The following BTG3 variants were observed in gnomAD, a reference collection of about 807,000 sequenced individuals.
BTG3 encodes BTG anti-proliferation factor 3.
In BTG3, 4 loss-of-function variants were observed where a neutral mutation model predicts 25.8. That is an observed-to-expected ratio of 0.16 (90% CI 0.08 to 0.36). The LOEUF is 0.36. Ranked by LOEUF, BTG3 falls within the 10% of genes least tolerant of loss-of-function variation. BTG3 has a pLI of 1.00. For missense variants in BTG3, 201 were observed against 304.9 expected, an observed-to-expected ratio of 0.66 and a Z score of 2.54; for synonymous variants, 107 against 99.9, an observed-to-expected ratio of 1.07 and a Z score of -0.42.
At chr21:17,599,740 A>G (rs1367113943) in intron 3 of BTG3, among the ~76,000 whole-genome samples, 3 of 152,186 alleles carry the variant, frequency 2.0e-5, no homozygotes, top group Non-Finnish European at 4.4e-5. Context: ...TCGGCCTCCC[A>G]AAGTGCTGGG....
Position 17,609,148 on chromosome 21 carries a change from T to G in BTG3, c.-4A>C. 6 of 1,605,204 alleles carry G rather than the reference T, an allele frequency of 3.7e-6. No homozygotes were observed. The highest frequency in any genetic ancestry group is 4.2e-6 in the Non-Finnish European group (5 of 1,177,898). On this transcript the variant is annotated 5_prime_UTR_variant, in exon 2 of 5. Transcript: ENST00000348354. ...CGGCAGCAATTTCATTCTTCATTTTTTTCCCTGCAAAGATAAAACATGTTT... is the reference window on the plus strand; with the variant it reads ...CGGCAGCAATTTCATTCTTCATTTTGTTCCCTGCAAAGATAAAACATGTTT...
chr21:17,601,531 A>C (rs1451436760), intron 3 of BTG3, among the ~76,000 whole-genome samples: 1 of 152,190 alleles, frequency 6.6e-6, no homozygotes, highest in African/African-American at 2.4e-5. Context: ...CTCTAAAACA[A>C]AACAAAACAA....
chr21:17,608,964 T>G lies in BTG3; in HGVS notation c.173+8A>C. On this transcript the variant is annotated splice_region_variant and intron_variant, in intron 2 of 4. Coordinates refer to ENST00000348354, the MANE Select transcript of BTG3 (RefSeq NM_006806.5). ...TCAGCCTCTGCTTAATCCAATCTAA[T>G]CCTTTACCTGTAGGCCTGTCCTTTC... is the stretch of plus-strand genomic sequence containing the variant. The G allele has an allele frequency of 6.2e-7, 1 of 1,610,590 alleles. No homozygotes were observed. Among genetic ancestry groups the G allele is most frequent in the Non-Finnish European group, 8.5e-7 (1 of 1,178,954 alleles).
At chr21:17,601,687 C>G (rs557399403) in intron 3 of BTG3, among the ~76,000 whole-genome samples, 1 of 152,176 alleles carries the variant, frequency 6.6e-6, no homozygotes, top group Non-Finnish European at 1.5e-5. Context: ...AATTTCAAGA[C>G]AATCAAGGGT....
intron 3 of BTG3, among the ~76,000 whole-genome samples, chr21:17,603,695 G>T (rs566993077): frequency 6.6e-6 from 1 of 152,244 alleles, no homozygotes; most frequent in East Asian, 1.9e-4. Context: ...ATTCTTGCAG[G>T]AATTCCATGC....
intron 2 of BTG3, among the ~76,000 whole-genome samples, chr21:17,607,355 G>A (rs1272631668): frequency 6.6e-6 from 1 of 151,628 alleles, no homozygotes; most frequent in Non-Finnish European, 1.5e-5. Context: ...CTAACTTAAC[G>A]AAAGCTGTTC....
At chr21:17,608,866 G>T in intron 2 of BTG3, 106 bp downstream of exon 2, 2 of 1,057,618 alleles carry the variant, frequency 1.9e-6, no homozygotes, top group Non-Finnish European at 2.7e-6. Context: ...TCTATATTTT[G>T]CAGATGAAAC....
chr21:17,609,022 T>C lies in BTG3; in HGVS notation c.123A>G (p.Lys41=). 6.2e-7 allele frequency: 1 copy of C among 1,613,962 alleles called. No individual in the cohort carries two copies. Among genetic ancestry groups the C allele is most frequent in the Non-Finnish European group, 8.5e-7 (1 of 1,179,976 alleles). ...AEKLTLILQE[K]YKNHWYPEKP... ...TTTCTGGATACCAGTGATTTTTATA[T>C]TTTTCTTGAAGTATTAGGGTCAATT... Residue 41 remains lysine (K), a synonymous_variant, in exon 2 of 5, where the codon AAA becomes AAG. Transcript: ENST00000348354.
In BTG3 at chr21:17,598,583, C is replaced by G. The variant is rs768408571; in HGVS notation, c.519+34G>C. The G allele has an allele frequency of 2.5e-6, 4 of 1,581,522 alleles. No homozygotes were observed. The Admixed American group carries it at 6.7e-5, about 27-fold the overall frequency. ...CTGAAAGGTCCTGGCAATCCCTGCA[C>G]ATCCCTTTAAAACTGAGCTGTTTTC... On this transcript the variant is annotated intron_variant, in intron 4 of 4. Coordinates refer to ENST00000348354, the MANE Select transcript of BTG3 (RefSeq NM_006806.5).
At chr21:17,600,095 AT>A (rs1284653109) in intron 3 of BTG3, among the ~76,000 whole-genome samples, 1 of 151,978 alleles carries the variant, frequency 6.6e-6, no homozygotes, top group African/African-American at 2.4e-5. Context: ...AAGATTTTTG[AT>A]TTTTTTTAAG....
At position 17,608,335 on chromosome 21, in the gene BTG3, T is replaced by C. The variant is rs80076967; in HGVS notation, c.173+637A>G. Among the ~76,000 whole-genome samples, 1,346 of 151,424 alleles carry C rather than the reference T, an allele frequency of 8.9e-3. 8 individuals are homozygous for C. The highest frequency in any genetic ancestry group is 0.035 in the South Asian group (168 of 4,802). ...CTGCAGTGAGCTATGGTTATACCAC[T>C]GCACTCTAGACTGGGTGACAGAGCA... On this transcript the variant is annotated intron_variant, in intron 2 of 4. Coordinates refer to ENST00000348354, the MANE Select transcript of BTG3 (RefSeq NM_006806.5).
At chr21:17,596,959 A>G (rs1244824325) in intron 4 of BTG3, among the ~76,000 whole-genome samples, 1 of 152,084 alleles carries the variant, frequency 6.6e-6, no homozygotes, top group African/African-American at 2.4e-5. Flanking sequence ...CTTATTTGAT[A>G]AAACTTTTTT....
chr21:17,601,162 CAA>C (rs35194409), intron 3 of BTG3, among the ~76,000 whole-genome samples: 11 of 115,648 alleles, frequency 9.5e-5, no homozygotes, highest in Admixed American at 2.7e-4. Context: ...GACTCCGTCT[CAA>C]AAAAAAAAAA....
At chr21:17,607,866 C>T (rs1260790180) in intron 2 of BTG3, among the ~76,000 whole-genome samples, 2 of 152,246 alleles carry the variant, frequency 1.3e-5, no homozygotes, top group Non-Finnish European at 2.9e-5. Flanking sequence ...CCTGAGCAGT[C>T]ACATAAATAC....
intron 1 of BTG3, among the ~76,000 whole-genome samples, chr21:17,609,803 C>A (rs539343545): frequency 6.6e-6 from 1 of 152,052 alleles, no homozygotes; most frequent in Non-Finnish European, 1.5e-5. Context: ...GTTATACACA[C>A]GTATGGAATA....
At chr21:17,604,761 C>A in intron 3 of BTG3, 99 bp downstream of exon 3, 1 of 1,388,260 alleles carries the variant, frequency 7.2e-7, no homozygotes, top group East Asian at 2.5e-5. Context: ...ACCACCAGCT[C>A]CTGGCCATAA....
intron 1 of BTG3, among the ~76,000 whole-genome samples, 155 bp from the exon 2 acceptor site, chr21:17,609,307 C>CT (rs376642429): frequency 1.3e-5 from 2 of 152,288 alleles, no homozygotes; most frequent in African/African-American, 4.8e-5. Flanking sequence ...GAACAATCTA[C>CT]TTATCTTTAT....
chr21:17,603,360 T>C (rs968676486), intron 3 of BTG3, among the ~76,000 whole-genome samples: 2 of 152,158 alleles, frequency 1.3e-5, no homozygotes, highest in Admixed American at 1.3e-4. Context: ...GAAAGAAGTA[T>C]TGGAGAATGT....
chr21:17,596,411 G>A (rs2061504604), intron 4 of BTG3, among the ~76,000 whole-genome samples: 2 of 151,992 alleles, frequency 1.3e-5, no homozygotes, highest in South Asian at 4.1e-4. Flanking sequence ...AAAAGCGTCA[G>A]AGATTTATCT....
Sources: gnomAD v4.1 joint callset for allele counts (sites outside exome capture counted in the v4.1 genomes callset) on GRCh38, gnomAD v4.1.1 for gene constraint, MANE v1.5 for transcripts, NCBI Gene and HGNC (gene_info 2026-07-23, HGNC 2026-07-21) for gene names.